GRM5: variants seen among roughly 807,000 people sequenced by gnomAD.
The protein encoded by GRM5 is glutamate metabotropic receptor 5.
A neutral mutation model predicts 83.1 loss-of-function variants in GRM5; 19 were observed. The ratio of observed to expected loss-of-function variants is 0.23; its 90% confidence interval spans 0.16 to 0.34. The LOEUF (loss-of-function observed/expected upper bound fraction) is 0.34. Among genes scored for constraint, GRM5 ranks in the 10% least tolerant of loss-of-function variants. The pLI, the probability that GRM5 is intolerant of heterozygous loss-of-function variation, is 1.00. For missense variants in GRM5, 1,160 were observed against 1,588.3 expected, an observed-to-expected ratio of 0.73 and a Z score of 4.58; for synonymous variants, 675 against 633.6, an observed-to-expected ratio of 1.07 and a Z score of -0.98.
chr11:88,758,634 G>A (rs1046214743), intron 3 of GRM5, among the ~76,000 whole-genome samples: 7 of 152,250 alleles, frequency 4.6e-5, no homozygotes, highest in South Asian at 2.1e-4. Flanking sequence ...TCTCGAAAGC[G>A]TTGGGGAGAA....
intron 2 of GRM5, among the ~76,000 whole-genome samples, chr11:88,958,746 C>A (rs1838879196): frequency 6.6e-6 from 1 of 152,058 alleles, no homozygotes; most frequent in Non-Finnish European, 1.5e-5. Flanking sequence ...TGGGCAATAT[C>A]CACTGGTATT....
At chr11:89,060,219 T>G (rs1941960850) in intron 1 of GRM5, among the ~76,000 whole-genome samples, 1 of 152,054 alleles carries the variant, frequency 6.6e-6, no homozygotes, top group Non-Finnish European at 1.5e-5. Flanking sequence ...TGCGTATGTA[T>G]GTATATATAT....
chr11:88,776,655 A>G (rs184160108), intron 3 of GRM5, among the ~76,000 whole-genome samples: 1 of 152,050 alleles, frequency 6.6e-6, no homozygotes, highest in Non-Finnish European at 1.5e-5. Flanking sequence ...ATCTCTCAGC[A>G]TTTGCTTCTC....
At chr11:88,656,595 T>A (rs559356686) in intron 3 of GRM5, among the ~76,000 whole-genome samples, 1 of 152,236 alleles carries the variant, frequency 6.6e-6, no homozygotes, top group South Asian at 2.1e-4. Flanking sequence ...ATCTTTTGCA[T>A]GTTCGTGTTT....
chr11:88,524,756 T>G (rs1941823680), intron 9 of GRM5, among the ~76,000 whole-genome samples: 1 of 152,194 alleles, frequency 6.6e-6, no homozygotes, highest in African/African-American at 2.4e-5. Flanking sequence ...TTTCCTGATT[T>G]CAGTTTGAGA....
chr11:88,686,109 G>T (rs1342072242), intron 3 of GRM5, among the ~76,000 whole-genome samples: 1 of 152,174 alleles, frequency 6.6e-6, no homozygotes, highest in Non-Finnish European at 1.5e-5. Flanking sequence ...AAAGCAGCCA[G>T]GAGGGAGGCT....
intron 2 of GRM5, among the ~76,000 whole-genome samples, chr11:88,909,359 A>C (rs1300328605): frequency 6.6e-6 from 1 of 151,950 alleles, no homozygotes; most frequent in Non-Finnish European, 1.5e-5. Context: ...TGTCTAAGGT[A>C]AAAAGTGTCT....
At chr11:88,573,793 A>G (rs1203981867) in intron 7 of GRM5, among the ~76,000 whole-genome samples, 1 of 152,184 alleles carries the variant, frequency 6.6e-6, no homozygotes, top group Non-Finnish European at 1.5e-5. Flanking sequence ...CTAATAAGCC[A>G]TCTTTCTGCC....
At chr11:88,559,048 A>C (rs987339393) in intron 8 of GRM5, among the ~76,000 whole-genome samples, 12 of 152,096 alleles carry the variant, frequency 7.9e-5, no homozygotes, top group African/African-American at 2.9e-4. Flanking sequence ...TCCTGTAAAA[A>C]TATTATACAT....
chr11:89,064,283 C>G (rs566395554), intron 1 of GRM5, among the ~76,000 whole-genome samples: 28 of 152,170 alleles, frequency 1.8e-4, no homozygotes, highest in African/African-American at 4.8e-4. Context: ...GGTTTGTACC[C>G]TAGAACTTAA....
chr11:88,632,247 CT>C (rs35797493), intron 4 of GRM5, among the ~76,000 whole-genome samples: 3,636 of 110,870 alleles, frequency 0.033, 47 homozygotes, highest in African/African-American at 0.075. Context: ...ACAGTATGTA[CT>C]TTTTTTTTTT....
At chr11:88,998,081 AAG>A (rs1331713550) in intron 2 of GRM5, among the ~76,000 whole-genome samples, 93 of 151,100 alleles carry the variant, frequency 6.2e-4, no homozygotes, top group African/African-American at 2.1e-3. Context: ...AAAAATAGTA[AAG>A]AGAGAGAGAG....
intron 3 of GRM5, among the ~76,000 whole-genome samples, chr11:88,845,050 A>G (rs1162115859): frequency 1.3e-5 from 2 of 152,248 alleles, no homozygotes; most frequent in Non-Finnish European, 2.9e-5. Context: ...ATAGAATTTG[A>G]AAGGACTGAC....
rs372165996 is a variant in GRM5 at position 88,654,758 on chromosome 11, A to G, written c.912-1355T>C. 2.0e-5 allele frequency among the ~76,000 whole-genome samples: 3 copies of G among 152,152 alleles called. No homozygotes were observed. The East Asian group carries it at 5.8e-4, about 29-fold the overall frequency. On this transcript the variant is annotated intron_variant, in intron 3 of 9. Coordinates refer to ENST00000305447, the MANE Select transcript of GRM5 (RefSeq NM_001143831.3). Reference sequence around the variant, plus strand: ...TTAATTTATTTTTACTTTCCTTTCAATGCATTTTTGCCCTTAACATTTTTT... The same window carrying G: ...TTAATTTATTTTTACTTTCCTTTCAGTGCATTTTTGCCCTTAACATTTTTT...
intron 2 of GRM5, among the ~76,000 whole-genome samples, chr11:88,902,883 G>A (rs1488026631): frequency 2.0e-5 from 3 of 148,322 alleles, no homozygotes; most frequent in Middle Eastern, 3.5e-3. Context: ...TCCAGGAGGC[G>A]GAGGTTGCAG....
At chr11:88,643,553 C>T (rs1939355043) in intron 4 of GRM5, among the ~76,000 whole-genome samples, 1 of 152,084 alleles carries the variant, frequency 6.6e-6, no homozygotes, top group Non-Finnish European at 1.5e-5. Flanking sequence ...GAATAATCCC[C>T]AAAAATGTAA....
At chr11:88,570,944 T>A (rs929084749) in intron 7 of GRM5, among the ~76,000 whole-genome samples, 2 of 152,052 alleles carry the variant, frequency 1.3e-5, no homozygotes, top group Non-Finnish European at 2.9e-5. Flanking sequence ...TATATAGAGG[T>A]CTGTTTCTAC....
At chr11:89,008,988 A>T in intron 2 of GRM5, 4 of 648,872 alleles carry the variant, frequency 6.2e-6, no homozygotes, top group Non-Finnish European at 1.1e-5. Flanking sequence ...TTTTACTTAC[A>T]ACTAATTAGG....
At chr11:89,033,397 G>T (rs530735348) in intron 2 of GRM5, among the ~76,000 whole-genome samples, 1 of 151,932 alleles carries the variant, frequency 6.6e-6, no homozygotes, top group Admixed American at 6.6e-5. Context: ...AATTACTTCA[G>T]CATTAATTTC....
Sources: allele counts gnomAD v4.1 joint callset (sites outside exome capture counted in the v4.1 genomes callset), GRCh38; gene constraint gnomAD v4.1.1; transcripts MANE v1.5; gene names NCBI Gene and HGNC (gene_info 2026-07-23, HGNC 2026-07-21).